The following PEX7 variants were observed in gnomAD, a reference collection of about 807,000 sequenced individuals.
The protein encoded by PEX7 is PTS2 receptor.
A neutral mutation model predicts 47.5 loss-of-function variants in PEX7; 34 were observed. The ratio of observed to expected loss-of-function variants is 0.72; its 90% CI spans 0.54 to 0.95. The LOEUF (loss-of-function observed/expected upper bound fraction) is 0.95. PEX7 is among the 40% of genes least tolerant of loss of function. The pLI is 0.00. For missense variants in PEX7, 394 were observed against 400.3 expected, an observed-to-expected ratio of 0.98 and a Z score of 0.13; for synonymous variants, 141 against 148.8, an observed-to-expected ratio of 0.95 and a Z score of 0.38.
intron 3 of PEX7, among the ~76,000 whole-genome samples, chr6:136,829,479 A>G (rs1462942176): frequency 1.3e-5 from 2 of 152,186 alleles, no homozygotes; most frequent in African/African-American, 4.8e-5. Flanking sequence ...TACCCCCCAG[A>G]GGCCCTACGT....
chr6:136,901,297 A>G (rs1258777683), intron 9 of PEX7: 2 of 152,240 alleles, frequency 1.3e-5, no homozygotes, highest in African/African-American at 2.4e-5. Flanking sequence ...TTACTGTGTA[A>G]TGAACAACTT....
intron 8 of PEX7, among the ~76,000 whole-genome samples, chr6:136,875,874 T>C (rs1458931829): frequency 6.6e-6 from 1 of 152,212 alleles, no homozygotes; most frequent in East Asian, 1.9e-4. Context: ...TTGAGACTTT[T>C]AGCATTAAAG....
intron 7 of PEX7, 25 bp downstream of exon 7, chr6:136,870,028 A>T (rs748015265): frequency 7.4e-7 from 1 of 1,350,314 alleles, no homozygotes; most frequent in Admixed American, 1.8e-5. Context: ...TTTCTTTTAT[A>T]TGTAGAATAA....
intron 9 of PEX7, among the ~76,000 whole-genome samples, chr6:136,909,529 G>A (rs182140137): frequency 6.6e-6 from 1 of 152,128 alleles, no homozygotes; most frequent in Non-Finnish European, 1.5e-5. Context: ...TCCTTACCAG[G>A]AAGTTCCTAC....
chr6:136,906,934 A>C (rs1008652891), intron 9 of PEX7, among the ~76,000 whole-genome samples: 1 of 152,150 alleles, frequency 6.6e-6, no homozygotes, highest in African/African-American at 2.4e-5. Context: ...CTGAACTTTT[A>C]ATCTTGCTTT....
At chr6:136,822,984 A>G (rs914532057) in intron 1 of PEX7, 189 bp downstream of exon 1, 86 of 985,356 alleles carry the variant, frequency 8.7e-5, no homozygotes, top group Non-Finnish European at 9.8e-5. Flanking sequence ...GTTGGTCTGA[A>G]GCAGGAGTCG....
At chr6:136,864,606 A>T (rs1385500619) in intron 5 of PEX7, among the ~76,000 whole-genome samples, 2 of 152,232 alleles carry the variant, frequency 1.3e-5, no homozygotes, top group African/African-American at 2.4e-5. Context: ...GCCAGGAAAA[A>T]ATTGCCTAGG....
At position 136,825,267 on chromosome 6, in the gene PEX7, A is replaced by G. The variant is rs758835413; in HGVS notation, c.184A>G (p.Arg62Gly). ...DPDEAGLRLF[R>G]SFDWNDGLFD... Reference sequence around the variant, plus strand: ...AGATGAAGCTGGGCTAAGGCTTTTTAGAAGGTAAGGGGGCTGAAATTATTA... The same window carrying G: ...AGATGAAGCTGGGCTAAGGCTTTTTGGAAGGTAAGGGGGCTGAAATTATTA... Residue 62 changes from arginine (R) to glycine (G), a missense_variant, in exon 2 of 10, where the codon AGA becomes GGA. Transcript: ENST00000318471. 6.2e-7 allele frequency: 1 copy of G among 1,611,956 alleles called. No homozygotes were observed. The highest frequency in any genetic ancestry group is 8.5e-7 in the Non-Finnish European group (1 of 1,178,010).
At chr6:136,864,964 A>G (rs1456581981) in intron 5 of PEX7, among the ~76,000 whole-genome samples, 1 of 152,166 alleles carries the variant, frequency 6.6e-6, no homozygotes, top group African/African-American at 2.4e-5. Context: ...GTTTTCTCAC[A>G]TCATCAGTTG....
chr6:136,847,709 T>C (rs1386886628), intron 5 of PEX7, among the ~76,000 whole-genome samples: 1 of 152,210 alleles, frequency 6.6e-6, no homozygotes, highest in African/African-American at 2.4e-5. Context: ...TCTAGATCTC[T>C]GTTTTGGTAC....
chr6:136,881,870 G>A (rs1775381293), intron 8 of PEX7, among the ~76,000 whole-genome samples: 1 of 152,170 alleles, frequency 6.6e-6, no homozygotes, highest in South Asian at 2.1e-4. Flanking sequence ...GAGGGAGGTG[G>A]CTTAGGTCAT....
In PEX7 at chr6:136,856,641, C is replaced by T. The variant is rs563295572; in HGVS notation, c.527-9986C>T. ...TCACTGTGTGTGGGTGAGGGGGATA[C>T]AATATTTTGATTGGCTTAGGCTTGG... On this transcript the variant is annotated intron_variant, in intron 5 of 9. Coordinates refer to ENST00000318471, the MANE Select transcript of PEX7 (RefSeq NM_000288.4). Among the ~76,000 whole-genome samples the T allele has an allele frequency of 2.0e-5, 3 of 152,190 alleles. No homozygotes were observed. In the South Asian group the frequency reaches 6.2e-4, roughly 32 times the overall value.
At chr6:136,844,507 A>G (rs1774560161) in intron 3 of PEX7, among the ~76,000 whole-genome samples, 3 of 152,208 alleles carry the variant, frequency 2.0e-5, no homozygotes. Context: ...GTGTGAGATA[A>G]GAACATTTCA....
chr6:136,892,845 T>A (rs1775580539), intron 8 of PEX7, among the ~76,000 whole-genome samples: 1 of 152,224 alleles, frequency 6.6e-6, no homozygotes, highest in South Asian at 2.1e-4. Context: ...TTCTTCTGCC[T>A]AAATAAATCT....
chr6:136,896,092 A>T (rs1301471014), intron 8 of PEX7, among the ~76,000 whole-genome samples: 1 of 152,222 alleles, frequency 6.6e-6, no homozygotes, highest in South Asian at 2.1e-4. Context: ...CTTAATTTTC[A>T]TAAGGCCCAC....
chr6:136,841,425 A>G (rs940598648), intron 3 of PEX7, among the ~76,000 whole-genome samples: 1 of 151,962 alleles, frequency 6.6e-6, no homozygotes, highest in African/African-American at 2.4e-5. Flanking sequence ...ATTCCCATTT[A>G]TGTGTTTGAG....
At chr6:136,902,674 TG>T (rs1775773472) in intron 9 of PEX7, among the ~76,000 whole-genome samples, 1 of 152,186 alleles carries the variant, frequency 6.6e-6, no homozygotes, top group Non-Finnish European at 1.5e-5. Flanking sequence ...TTTTTCTTTT[TG>T]TAGACTTGTG....
chr6:136,823,400 T>C, intron 1 of PEX7: 2 of 968,294 alleles, frequency 2.1e-6, no homozygotes, highest in Non-Finnish European at 2.5e-6. Flanking sequence ...CAGACTCCAG[T>C]TAATTGTCTC....
At chr6:136,827,646 T>C (rs1774220022) in intron 3 of PEX7, among the ~76,000 whole-genome samples, 1 of 151,914 alleles carries the variant, frequency 6.6e-6, no homozygotes, top group African/African-American at 2.4e-5. Context: ...CATTCTCATG[T>C]CTTAGCCACC....
Sources: gnomAD v4.1 joint callset for allele counts (sites outside exome capture counted in the v4.1 genomes callset) on GRCh38, gnomAD v4.1.1 for gene constraint, MANE v1.5 for transcripts, NCBI Gene and HGNC (gene_info 2026-07-23, HGNC 2026-07-21) for gene names.